CYP4F12: variants seen among roughly 807,000 people sequenced by gnomAD.
The protein encoded by CYP4F12 is cytochrome P450 4F12.
Under a neutral mutation model 56.5 loss-of-function variants are expected in CYP4F12, and 60 were observed. The ratio of observed to expected loss-of-function variants is 1.06; its 90% CI spans 0.86 to 1.32. The LOEUF (loss-of-function observed/expected upper bound fraction) is 1.32, where lower values mean the gene tolerates loss of function less well. CYP4F12 is among the 40% of genes most tolerant of loss of function. The probability of loss-of-function intolerance (pLI) is 0.00; values close to 1 mark genes in which losing one functional copy is unlikely to be tolerated. For missense variants in CYP4F12, 711 were observed against 683.5 expected, an observed-to-expected ratio of 1.04 and a Z score of -0.45; for synonymous variants, 263 against 264.9, an observed-to-expected ratio of 0.99 and a Z score of 0.07.
Position 15,696,142 on chromosome 19 carries a change from G to A in CYP4F12, c.1250-19G>A. 6.2e-7 allele frequency: 1 copy of A among 1,613,028 alleles called. No homozygotes were observed. On this transcript the variant is annotated intron_variant, in intron 10 of 12. Transcript: ENST00000550308. The stretch of plus-strand genomic sequence containing the variant: ...CCCTCAGGGGATCCTTGTCCTGACT[G>A]CCCCTTTCTCTCCCACAGGCATTAC...
At chr19:15,683,180 T>C (rs2007405576) in intron 6 of CYP4F12, among the ~76,000 whole-genome samples, 1 of 152,074 alleles carries the variant, frequency 6.6e-6, no homozygotes, top group Non-Finnish European at 1.5e-5. Context: ...GTCTGAGTTG[T>C]GTGGACAGTT....
At chr19:15,688,273 G>A (rs950558291) in intron 9 of CYP4F12, among the ~76,000 whole-genome samples, 1 of 152,048 alleles carries the variant, frequency 6.6e-6, no homozygotes, top group Non-Finnish European at 1.5e-5. Context: ...GTGAGGCAGA[G>A]GCAGTTATAC....
intron 9 of CYP4F12, among the ~76,000 whole-genome samples, chr19:15,689,790 T>C (rs1344294097): frequency 6.6e-6 from 1 of 152,210 alleles, no homozygotes; most frequent in Non-Finnish European, 1.5e-5. Flanking sequence ...AATGAAATAA[T>C]GTCTTTTGCC....
At position 15,685,287 on chromosome 19, in the gene CYP4F12, C is replaced by T. The variant is rs926086132; in HGVS notation, c.1115+90C>T. The T allele has an allele frequency of 2.6e-6, 4 of 1,536,508 alleles. No homozygotes were observed. The African/African-American group carries it at 4.1e-5, about 16-fold the overall frequency. ...GGGTGGAGGAGTTGTTTTGTGGATT[C>T]TTCCACTATTGCTTAGTGGGTATAA... On this transcript the variant is annotated intron_variant, in intron 9 of 12. Coordinates refer to ENST00000550308, the MANE Select transcript of CYP4F12 (RefSeq NM_023944.4).
chr19:15,689,455 A>G (rs67199235), intron 9 of CYP4F12, among the ~76,000 whole-genome samples: 43,004 of 152,052 alleles, frequency 0.28, 6,603 homozygotes, highest in African/African-American at 0.4. Flanking sequence ...AAAAGTCAAA[A>G]AACAATAGAT....
chr19:15,673,777 C>T (rs1173175755), intron 2 of CYP4F12, 50 bp downstream of exon 2: 1 of 1,599,272 alleles, frequency 6.3e-7, no homozygotes, highest in Admixed American at 1.7e-5. Context: ...GATGGACTTC[C>T]AGAGGAGCAG....
chr19:15,679,457 C>A (rs2007163155), intron 3 of CYP4F12, among the ~76,000 whole-genome samples: 1 of 111,598 alleles, frequency 9.0e-6, no homozygotes, highest in South Asian at 3.6e-4. Context: ...CTCACCTTAC[C>A]CCCAGGGGTC....
intron 9 of CYP4F12, among the ~76,000 whole-genome samples, chr19:15,687,665 G>T (rs1348077577): frequency 6.6e-6 from 1 of 152,214 alleles, no homozygotes; most frequent in Non-Finnish European, 1.5e-5. Flanking sequence ...AAGAGGGGGA[G>T]AGACTGCTTC....
At chr19:15,692,574 G>A (rs2007921125) in intron 9 of CYP4F12, among the ~76,000 whole-genome samples, 1 of 152,084 alleles carries the variant, frequency 6.6e-6, no homozygotes, top group Non-Finnish European at 1.5e-5. Flanking sequence ...TGGGGCAACT[G>A]GAAAGCCTTC....
At chr19:15,682,535 A>T in intron 6 of CYP4F12, 25 bp downstream of exon 6, 1 of 1,611,304 alleles carries the variant, frequency 6.2e-7, no homozygotes, top group Non-Finnish European at 8.5e-7. Flanking sequence ...AGGGCCTGGG[A>T]TATGAATCCA....
chr19:15,674,578 C>A (rs1773308887), intron 2 of CYP4F12, among the ~76,000 whole-genome samples: 1 of 151,218 alleles, frequency 6.6e-6, no homozygotes, highest in Non-Finnish European at 1.5e-5. Context: ...TCATCACTCA[C>A]TCATTCCTCT....
intron 2 of CYP4F12, among the ~76,000 whole-genome samples, chr19:15,675,024 T>C (rs2006848762): frequency 6.6e-6 from 1 of 152,232 alleles, no homozygotes; most frequent in Non-Finnish European, 1.5e-5. Flanking sequence ...TATCTCTGAC[T>C]TCCTTCCCCA....
intron 3 of CYP4F12, among the ~76,000 whole-genome samples, chr19:15,680,018 C>A (rs117507267): frequency 8.5e-5 from 13 of 152,232 alleles, no homozygotes; most frequent in Non-Finnish European, 1.8e-4. Flanking sequence ...CATGTCAAGG[C>A]GTGCTGGGGT....
At chr19:15,695,453 T>C (rs2008078128) in intron 9 of CYP4F12, among the ~76,000 whole-genome samples, 1 of 151,688 alleles carries the variant, frequency 6.6e-6, no homozygotes, top group African/African-American at 2.4e-5. Flanking sequence ...TGTATACATA[T>C]GTAACTAACC....
At chr19:15,685,295 AT>A in intron 9 of CYP4F12, 98 bp downstream of exon 9, 2 of 1,521,604 alleles carry the variant, frequency 1.3e-6, no homozygotes, top group Non-Finnish European at 1.8e-6. Context: ...TTCTTCCACT[AT>A]TGCTTAGTGG....
At chr19:15,689,810 A>T (rs2007792488) in intron 9 of CYP4F12, among the ~76,000 whole-genome samples, 1 of 151,478 alleles carries the variant, frequency 6.6e-6, no homozygotes, top group East Asian at 2.0e-4. Flanking sequence ...CGCAACTTGG[A>T]TGGAGCTGGA....
Position 15,696,503 on chromosome 19 carries a change from C to T in CYP4F12, c.1388C>T (p.Ala463Val). Residue 463 changes from alanine (A) to valine (V), a missense_variant, in exon 12 of 13, where the codon GCA becomes GTA. Physicochemically the swap from Ala to Val is moderately conservative, Grantham distance 64. Transcript: ENST00000550308. ...RSPLAFIPFS[A>V]GPRNCIGQAF... is the part of the protein sequence containing the mutation. ...CCTCTGGCTTTTATTCCTTTCTCCG[C>T]AGGGCCCAGGTAAGAGCGCCCTGTG... 1 of 1,614,028 alleles carries T rather than the reference C, an allele frequency of 6.2e-7. No individual in the cohort carries two copies. The highest frequency in any genetic ancestry group is 8.5e-7 in the Non-Finnish European group (1 of 1,179,990).
chr19:15,689,143 A>AATAATAATCATCATCATCATC (rs146012868), intron 9 of CYP4F12, among the ~76,000 whole-genome samples: 1 of 150,688 alleles, frequency 6.6e-6, no homozygotes, highest in African/African-American at 2.5e-5. Flanking sequence ...TAATAATAAT[A>AATAATAATCATCATCATCATC]ATAGCCGACT....
At chr19:15,695,873 G>A in intron 9 of CYP4F12, 63 bp from the exon 10 acceptor site, 1 of 1,541,458 alleles carries the variant, frequency 6.5e-7, no homozygotes, top group Non-Finnish European at 8.7e-7. Flanking sequence ...TTTGCAAATA[G>A]AAAAGGTGGA....
Sources: allele counts gnomAD v4.1 joint callset (sites outside exome capture counted in the v4.1 genomes callset), GRCh38; gene constraint gnomAD v4.1.1; transcripts MANE v1.5; gene names NCBI Gene and HGNC (gene_info 2026-07-23, HGNC 2026-07-21).